Variants in EPB41L4A observed in about 807,000 individuals in gnomAD.
EPB41L4A encodes the protein band 4.1-like protein 4A.
Under a neutral mutation model 108.6 loss-of-function variants are expected in EPB41L4A, and 100 were observed. The ratio of observed to expected loss-of-function variants is 0.92; its 90% confidence interval spans 0.78 to 1.09. The LOEUF (loss-of-function observed/expected upper bound fraction) is 1.09, where lower values mean the gene tolerates loss of function less well. EPB41L4A is among the 50% of genes least tolerant of loss of function. The pLI is 0.00. For missense variants in EPB41L4A, 1,030 were observed against 842.7 expected, an observed-to-expected ratio of 1.22 and a Z score of -2.75; for synonymous variants, 319 against 289.0, an observed-to-expected ratio of 1.10 and a Z score of -1.05.
intron 9 of EPB41L4A, among the ~76,000 whole-genome samples, chr5:112,243,420 T>A (rs1749965969): frequency 6.6e-6 from 1 of 152,106 alleles, no homozygotes; most frequent in Non-Finnish European, 1.5e-5. Context: ...ATTTTCTGAA[T>A]GGTAAATGAA....
chr5:112,165,963 A>C (rs925654703), intron 22 of EPB41L4A, among the ~76,000 whole-genome samples: 3 of 152,210 alleles, frequency 2.0e-5, no homozygotes, highest in African/African-American at 7.2e-5. Flanking sequence ...GAACCCATCT[A>C]TTTGGGATGG....
At chr5:112,161,285 C>CTACCCTACA (rs1759884195), downstream of EPB41L4A, 1 of 340,018 alleles carries the variant, frequency 2.9e-6, no homozygotes, top group South Asian at 2.3e-5. Context: ...GAGTGATCAC[C>CTACCCTACA]TACCCTACAG....
intron 1 of EPB41L4A, among the ~76,000 whole-genome samples, chr5:112,375,579 T>G (rs1158870935): frequency 1.3e-5 from 2 of 152,072 alleles, no homozygotes; most frequent in Non-Finnish European, 2.9e-5. Flanking sequence ...TGATAAAAAA[T>G]TCATAAAACA....
rs1760136126 is a variant in EPB41L4A, at chr5:112,164,868, T to C, written c.*122A>G. The C allele has an allele frequency of 9.0e-7, 1 of 1,111,362 alleles. No individual in the cohort carries two copies. The highest frequency in any genetic ancestry group is 1.2e-6 in the Non-Finnish European group (1 of 810,050). The allele number at this position is 1,111,362 out of a possible 1,614,324, so 68.8% of individuals were successfully genotyped here. On this transcript the variant is annotated 3_prime_UTR_variant, in exon 23 of 23. Transcript: ENST00000261486. ...AAAAAAGAAGCAAAAGATAATGTAT[T>C]TTCTCATGCTGAAGAAATACTTGCA...
Position 112,419,108 on chromosome 5 carries a change from A to C in EPB41L4A, c.-69T>G. ...AGGCGCCCAGCCGCCCCCTCCACTC[A>C]AGCGCGATGCATTAATTTATTGTCC... On this transcript the variant is annotated 5_prime_UTR_variant, in exon 1 of 23. The change abolishes the stop of an existing upstream ORF in the 5' untranslated region. Coordinates refer to ENST00000261486, the MANE Select transcript of EPB41L4A (RefSeq NM_022140.5). The C allele has an allele frequency of 8.8e-7, 1 of 1,142,348 alleles. No individual in the cohort carries two copies. Among genetic ancestry groups the C allele is most frequent in the Non-Finnish European group, 1.3e-6 (1 of 756,722 alleles). The allele number at this position is 1,142,348 out of a possible 1,614,324, so 70.8% of individuals were successfully genotyped here. A position where few individuals can be genotyped will look rare whatever the true frequency, so the allele number is the denominator to read the frequency against.
intron 12 of EPB41L4A, among the ~76,000 whole-genome samples, chr5:112,216,067 A>G (rs1228359408): frequency 6.6e-6 from 1 of 152,152 alleles, no homozygotes; most frequent in East Asian, 1.9e-4. Context: ...GACCACTACC[A>G]GTCCTTTGAG....
At position 112,419,078 on chromosome 5, in the gene EPB41L4A, C is replaced by A. The variant is rs1762908456; in HGVS notation, c.-39G>T. ...GTCTCCAGCCAGGAGAGAAAGCTAC[C>A]ACCGAGGCGCCCAGCCGCCCCCTCC... On this transcript the variant is annotated 5_prime_UTR_variant, in exon 1 of 23. Transcript: ENST00000261486. The A allele has an allele frequency of 6.6e-7, 1 of 1,506,884 alleles. No individual in the cohort carries two copies. Among genetic ancestry groups the A allele is most frequent in the South Asian group, 1.1e-5 (1 of 88,238 alleles). The allele number at this position is 1,506,884 out of a possible 1,614,324, so 93.3% of individuals were successfully genotyped here.
At chr5:112,381,473 T>G (rs1760172009) in intron 1 of EPB41L4A, among the ~76,000 whole-genome samples, 2 of 152,264 alleles carry the variant, frequency 1.3e-5, no homozygotes, top group Non-Finnish European at 2.9e-5. Flanking sequence ...AACCAAGATC[T>G]GTTTATATTC....
chr5:112,284,708 G>C (rs12519569), intron 2 of EPB41L4A, among the ~76,000 whole-genome samples: 1 of 152,004 alleles, frequency 6.6e-6, no homozygotes, highest in Non-Finnish European at 1.5e-5. Context: ...TGAGGAGTCA[G>C]GGTGACAGTC....
intron 6 of EPB41L4A, chr5:112,263,763 C>A (rs561953444): frequency 2.6e-5 from 4 of 152,132 alleles, no homozygotes; most frequent in African/African-American, 9.7e-5. Flanking sequence ...CTCACTGAAA[C>A]GGATCCTTTA....
chr5:112,330,568 A>C (rs993910589), intron 1 of EPB41L4A, among the ~76,000 whole-genome samples: 3 of 152,050 alleles, frequency 2.0e-5, no homozygotes, highest in African/African-American at 7.2e-5. Context: ...TATCAGATTC[A>C]ATCAGAAGAA....
intron 18 of EPB41L4A, among the ~76,000 whole-genome samples, chr5:112,183,801 G>C (rs1761284927): frequency 6.6e-6 from 1 of 152,178 alleles, no homozygotes; most frequent in Non-Finnish European, 1.5e-5. Context: ...ATATGGCTTT[G>C]AGGGCCTTGT....
intron 12 of EPB41L4A, among the ~76,000 whole-genome samples, chr5:112,220,804 G>C (rs985160320): frequency 1.3e-5 from 2 of 152,004 alleles, no homozygotes; most frequent in African/African-American, 4.8e-5. Flanking sequence ...TTTTCCCCTG[G>C]AATCCCTCAT....
chr5:112,408,611 T>C (rs1480316405), intron 1 of EPB41L4A, among the ~76,000 whole-genome samples: 1 of 133,674 alleles, frequency 7.5e-6, no homozygotes, highest in East Asian at 2.3e-4. Flanking sequence ...ATAATCCCAC[T>C]TTGGGAGAAT....
intron 1 of EPB41L4A, among the ~76,000 whole-genome samples, chr5:112,320,236 A>G (rs1487641569): frequency 6.6e-6 from 1 of 152,108 alleles, no homozygotes; most frequent in Non-Finnish European, 1.5e-5. Flanking sequence ...CCTTTTTCAG[A>G]GACCAGTGAA....
intron 1 of EPB41L4A, among the ~76,000 whole-genome samples, chr5:112,321,905 T>G (rs1331840605): frequency 6.6e-6 from 1 of 152,218 alleles, no homozygotes; most frequent in Non-Finnish European, 1.5e-5. Flanking sequence ...CCTTTAAACC[T>G]GTGTAATTTT....
chr5:112,231,466 A>G (rs899903181), intron 12 of EPB41L4A, among the ~76,000 whole-genome samples: 1 of 152,196 alleles, frequency 6.6e-6, no homozygotes, highest in Admixed American at 6.5e-5. Context: ...TGTAATAATA[A>G]AAGCATAATA....
chr5:112,311,605 T>C (rs187620298), intron 1 of EPB41L4A, among the ~76,000 whole-genome samples: 1 of 152,294 alleles, frequency 6.6e-6, no homozygotes, highest in East Asian at 1.9e-4. Context: ...CCTCCAATTG[T>C]TTCCCATTTG....
At chr5:112,337,483 C>T (rs772297618) in intron 1 of EPB41L4A, among the ~76,000 whole-genome samples, 13 of 152,162 alleles carry the variant, frequency 8.5e-5, no homozygotes, top group Non-Finnish European at 1.8e-4. Flanking sequence ...TGTTTCCATG[C>T]AGTATCTCAG....
Sources: gnomAD v4.1 joint callset for allele counts (sites outside exome capture counted in the v4.1 genomes callset) on GRCh38, gnomAD v4.1.1 for gene constraint, MANE v1.5 for transcripts, NCBI Gene and HGNC (gene_info 2026-07-23, HGNC 2026-07-21) for gene names.